The following TAOK3 variants were observed in gnomAD, a reference collection of about 807,000 sequenced individuals.
TAOK3 encodes serine/threonine-protein kinase TAO3.
TAOK3 carries 40 observed loss-of-function variants against 120.4 expected under a neutral mutation model. The observed-to-expected ratio is 0.33, with a 90% CI of 0.26 to 0.43. The LOEUF is 0.43. TAOK3 is among the 20% of genes least tolerant of loss of function. TAOK3 has a pLI of 1.00. For missense variants in TAOK3, 821 were observed against 1,112.1 expected (o/e 0.74, Z 3.72); for synonymous variants, 355 against 387.5 (o/e 0.92, Z 0.99).
At chr12:118,158,758 G>A (rs1216672662) in intron 19 of TAOK3, among the ~76,000 whole-genome samples, 8 of 152,000 alleles carry the variant, frequency 5.3e-5, no homozygotes, top group Non-Finnish European at 1.2e-4. Flanking sequence ...CTTAAAACAC[G>A]GTTCAACAGC....
chr12:118,321,437 T>A (rs2043701887), intron 1 of TAOK3, among the ~76,000 whole-genome samples: 1 of 152,120 alleles, frequency 6.6e-6, no homozygotes. Context: ...GTTTTCATAT[T>A]TTTTGTAGAA....
chr12:118,184,847 A>G (rs2036977724), intron 14 of TAOK3, among the ~76,000 whole-genome samples: 1 of 152,226 alleles, frequency 6.6e-6, no homozygotes, highest in Admixed American at 6.5e-5. Context: ...TGGGCAAATT[A>G]CTTAACCTCT....
intron 1 of TAOK3, among the ~76,000 whole-genome samples, chr12:118,288,644 G>A (rs565404245): frequency 4.6e-5 from 7 of 152,246 alleles, no homozygotes; most frequent in South Asian, 2.1e-4. Context: ...AGCCAGGGGC[G>A]GTGGCTCACG....
chr12:118,199,269 G>T lies in TAOK3; in HGVS notation c.988-12C>A, dbSNP rs772265752. 6.3e-7 allele frequency: 1 copy of T among 1,594,984 alleles called. No homozygotes were observed. Among genetic ancestry groups the T allele is most frequent in the Non-Finnish European group, 8.6e-7 (1 of 1,163,284 alleles). ...CCATGTTCACTGTCCTGTAAAAATG[G>T]GGCACTGAGGTTAGAAAAAAAGACT... On this transcript the variant is annotated splice_polypyrimidine_tract_variant and intron_variant, in intron 12 of 20. Transcript: ENST00000392533.
chr12:118,223,605 C>G (rs954620981), intron 9 of TAOK3, among the ~76,000 whole-genome samples: 34 of 151,274 alleles, frequency 2.2e-4, no homozygotes, highest in Middle Eastern at 3.5e-3. Context: ...CTCGGCCTCC[C>G]AAAGTGTTGG....
Position 118,324,366 on chromosome 12 carries a change from A to G in TAOK3, c.-194+48282T>C, listed in dbSNP as rs149210752. Among the ~76,000 whole-genome samples the G allele has an allele frequency of 1.3e-3, 200 of 152,298 alleles. 1 individual carries two copies. Among genetic ancestry groups the G allele is most frequent in the African/African-American group, 4.5e-3 (189 of 41,556 alleles). ...CAATATAGATACATATCAAGCATCT[A>G]TCATTTGTGTTAGGAACATTCCAAT... On this transcript the variant is annotated intron_variant, in intron 1 of 20. Coordinates refer to ENST00000392533, the MANE Select transcript of TAOK3 (RefSeq NM_016281.4).
intron 19 of TAOK3, among the ~76,000 whole-genome samples, chr12:118,159,203 G>T (rs1391769369): frequency 6.6e-6 from 1 of 152,054 alleles, no homozygotes; most frequent in Non-Finnish European, 1.5e-5. Context: ...TTATGTCAAT[G>T]AATTCCTTAA....
chr12:118,314,425 G>A (rs2043375825), intron 1 of TAOK3, among the ~76,000 whole-genome samples: 1 of 152,136 alleles, frequency 6.6e-6, no homozygotes, highest in African/African-American at 2.4e-5. Flanking sequence ...GAATTAAGAT[G>A]GAGTGCATAA....
chr12:118,337,125 C>T (rs2141080183), intron 1 of TAOK3, among the ~76,000 whole-genome samples: 1 of 152,152 alleles, frequency 6.6e-6, no homozygotes, highest in East Asian at 1.9e-4. Context: ...AGAGGATTTA[C>T]AAATGGAAAT....
At chr12:118,298,467 G>A (rs75182424) in intron 1 of TAOK3, among the ~76,000 whole-genome samples, 2,114 of 152,188 alleles carry the variant, frequency 0.014, 54 homozygotes, top group African/African-American at 0.048. Flanking sequence ...ATATTGTCAA[G>A]ATCACAAATA....
intron 7 of TAOK3, among the ~76,000 whole-genome samples, 185 bp downstream of exon 7, chr12:118,237,888 T>C (rs2139910177): frequency 6.6e-6 from 1 of 152,296 alleles, no homozygotes; most frequent in Non-Finnish European, 1.5e-5. Context: ...TGTGGATACG[T>C]AGGAGAGAAT....
intron 3 of TAOK3, among the ~76,000 whole-genome samples, chr12:118,250,483 A>T (rs865918053): frequency 1.3e-5 from 2 of 152,216 alleles, no homozygotes; most frequent in Middle Eastern, 3.2e-3. Flanking sequence ...TTTAGGTATA[A>T]AAATACTAGC....
chr12:118,297,554 A>G (rs977170431), intron 1 of TAOK3, among the ~76,000 whole-genome samples: 1 of 152,192 alleles, frequency 6.6e-6, no homozygotes, highest in African/African-American at 2.4e-5. Context: ...GACCAGCACC[A>G]GACTGTTTTC....
chr12:118,219,404 G>A (rs866521399), intron 9 of TAOK3, among the ~76,000 whole-genome samples: 15 of 151,624 alleles, frequency 9.9e-5, no homozygotes, highest in African/African-American at 1.5e-4. Context: ...GCTAATTCTC[G>A]ACAATCCTTT....
chr12:118,290,031 A>G (rs568185639), intron 1 of TAOK3, among the ~76,000 whole-genome samples: 1 of 152,190 alleles, frequency 6.6e-6, no homozygotes, highest in African/African-American at 2.4e-5. Flanking sequence ...AATGAATCCT[A>G]TCAGTCCTTA....
chr12:118,250,524 C>T (rs1180175658), intron 3 of TAOK3, among the ~76,000 whole-genome samples: 1 of 152,146 alleles, frequency 6.6e-6, no homozygotes. Context: ...GGCTTGCCAG[C>T]ATGACTATGA....
At chr12:118,322,718 CTTTTTTTTTT>C (rs199608892) in intron 1 of TAOK3, among the ~76,000 whole-genome samples, 1 of 93,836 alleles carries the variant, frequency 1.1e-5, no homozygotes, top group African/African-American at 4.7e-5. Flanking sequence ...ATTTAAAAAC[CTTTTTTTTTT>C]TTTTTTTTTT....
intron 9 of TAOK3, among the ~76,000 whole-genome samples, chr12:118,217,322 T>C (rs941643892): frequency 5.9e-5 from 9 of 152,186 alleles, no homozygotes; most frequent in Admixed American, 5.9e-4. Context: ...ATGACAACTA[T>C]ACCTATTCAT....
intron 3 of TAOK3, chr12:118,246,341 G>T: frequency 1.2e-6 from 2 of 1,606,370 alleles, no homozygotes; most frequent in South Asian, 1.1e-5. Flanking sequence ...TCTTCTCCCT[G>T]CCCATTAAGG....
Sources: allele counts gnomAD v4.1 joint callset (sites outside exome capture counted in the v4.1 genomes callset), GRCh38; gene constraint gnomAD v4.1.1; transcripts MANE v1.5; gene names NCBI Gene and HGNC (gene_info 2026-07-23, HGNC 2026-07-21).